Variants in PRKG1 observed in about 807,000 individuals in gnomAD.
PRKG1 encodes the protein protein kinase cGMP-dependent 1.
In PRKG1, 35 loss-of-function variants were observed where a neutral mutation model predicts 88.1. That is an observed-to-expected ratio of 0.40 (90% CI 0.30 to 0.53). The LOEUF is 0.53. PRKG1 is among the 20% of genes least tolerant of loss of function. PRKG1 has a pLI of 0.59. For synonymous variants in PRKG1, 303 were observed against 292.5 expected (o/e 1.04, Z -0.37); for missense variants, 540 against 839.8 (o/e 0.64, Z 4.41).
chr10:51,098,301 T>G (rs1393205604), intron 1 of PRKG1, among the ~76,000 whole-genome samples: 1 of 152,216 alleles, frequency 6.6e-6, no homozygotes, highest in Non-Finnish European at 1.5e-5. Context: ...ATAGTACTGC[T>G]ATCAAAGCAT....
At chr10:52,095,383 G>A (rs1847149334) in intron 7 of PRKG1, among the ~76,000 whole-genome samples, 1 of 151,804 alleles carries the variant, frequency 6.6e-6, no homozygotes, top group Non-Finnish European at 1.5e-5. Flanking sequence ...ATTTTATCCT[G>A]GTCTCTATAT....
chr10:51,062,811 G>C (rs1052337571), intron 1 of PRKG1: 1 of 151,874 alleles, frequency 6.6e-6, no homozygotes, highest in Non-Finnish European at 1.5e-5. Flanking sequence ...TAGTAGAGAC[G>C]GGGTTTCTCC....
intron 3 of PRKG1, among the ~76,000 whole-genome samples, chr10:51,604,547 A>T (rs17615550): frequency 0.047 from 7,176 of 152,322 alleles, 222 homozygotes; most frequent in Middle Eastern, 0.14. Context: ...AAAATCTAAA[A>T]AGGAAAGTGG....
chr10:51,981,127 G>GTCTT (rs1261272191), intron 5 of PRKG1, among the ~76,000 whole-genome samples: 1 of 152,060 alleles, frequency 6.6e-6, no homozygotes, highest in Non-Finnish European at 1.5e-5. Flanking sequence ...GCCAGTAATG[G>GTCTT]TCTTTTCTCT....
intron 3 of PRKG1, among the ~76,000 whole-genome samples, chr10:51,665,748 T>C (rs942760026): frequency 6.6e-6 from 1 of 152,096 alleles, no homozygotes; most frequent in African/African-American, 2.4e-5. Context: ...TTTTTTAAAA[T>C]GTATGCTGCT....
At chr10:51,972,517 C>T (rs1005610954) in intron 5 of PRKG1, among the ~76,000 whole-genome samples, 3 of 152,136 alleles carry the variant, frequency 2.0e-5, no homozygotes, top group Admixed American at 1.3e-4. Context: ...ACTTATAACA[C>T]GTGGTAAATG....
At chr10:52,147,755 G>A (rs977005366) in intron 8 of PRKG1, among the ~76,000 whole-genome samples, 10 of 152,134 alleles carry the variant, frequency 6.6e-5, no homozygotes, top group African/African-American at 2.4e-4. Flanking sequence ...AAGGTAGACC[G>A]GATGGGCTTG....
At chr10:51,731,936 G>A (rs1379163512) in intron 3 of PRKG1, among the ~76,000 whole-genome samples, 2 of 152,046 alleles carry the variant, frequency 1.3e-5, no homozygotes, top group African/African-American at 4.8e-5. Context: ...TCCTTACATG[G>A]TCTTTCCTCT....
At chr10:51,471,731 G>A (rs571877650) in intron 3 of PRKG1, among the ~76,000 whole-genome samples, 1 of 151,856 alleles carries the variant, frequency 6.6e-6, no homozygotes, top group Non-Finnish European at 1.5e-5. Context: ...CTCTTACTTT[G>A]AGTTTCAGCT....
At chr10:51,009,036 A>G (rs573432940) in intron 1 of PRKG1, among the ~76,000 whole-genome samples, 1 of 152,290 alleles carries the variant, frequency 6.6e-6, no homozygotes, top group Admixed American at 6.5e-5. Context: ...TTTTCATGGT[A>G]TGAGTTTTAT....
intron 5 of PRKG1, among the ~76,000 whole-genome samples, chr10:52,035,728 G>A (rs940165748): frequency 2.6e-5 from 4 of 152,110 alleles, no homozygotes; most frequent in African/African-American, 9.7e-5. Flanking sequence ...GGAGCAGAAA[G>A]TATGTGCGTC....
intron 2 of PRKG1, among the ~76,000 whole-genome samples, chr10:51,164,797 A>C (rs1486115612): frequency 3.3e-5 from 5 of 152,162 alleles, no homozygotes; most frequent in Non-Finnish European, 2.9e-5. Flanking sequence ...AAAGGGTATC[A>C]GTGATGGAAG....
intron 2 of PRKG1, among the ~76,000 whole-genome samples, chr10:51,296,918 T>G (rs180973566): frequency 6.6e-6 from 1 of 152,278 alleles, no homozygotes; most frequent in South Asian, 2.1e-4. Flanking sequence ...ATTCTTTCCC[T>G]CTTTATTTAA....
chr10:51,970,969 G>A (rs1054980157), intron 5 of PRKG1, among the ~76,000 whole-genome samples: 2 of 151,432 alleles, frequency 1.3e-5, no homozygotes, highest in East Asian at 3.9e-4. Context: ...TTGACTACTA[G>A]AATGGCTAGA....
At chr10:52,153,411 T>A (rs995250323) in intron 8 of PRKG1, among the ~76,000 whole-genome samples, 1 of 152,224 alleles carries the variant, frequency 6.6e-6, no homozygotes, top group Non-Finnish European at 1.5e-5. Flanking sequence ...TATACTTGTC[T>A]ACCATCATAA....
intron 3 of PRKG1, among the ~76,000 whole-genome samples, chr10:51,704,242 C>CAGATAGATAGATAGATAGAT (rs570192025): frequency 9.3e-5 from 14 of 150,902 alleles, no homozygotes; most frequent in African/African-American, 2.7e-4. Flanking sequence ...GATAGACAGA[C>CAGATAGATAGATAGATAGAT]AGACAGACAG....
At chr10:51,085,225 C>A (rs1326451543) in intron 1 of PRKG1, among the ~76,000 whole-genome samples, 2 of 152,120 alleles carry the variant, frequency 1.3e-5, no homozygotes, top group East Asian at 1.9e-4. Context: ...CTTCCTAATA[C>A]CTACGTTACC....
chr10:51,865,111 T>C (rs1375539490), intron 4 of PRKG1, among the ~76,000 whole-genome samples: 1 of 152,128 alleles, frequency 6.6e-6, no homozygotes, highest in Non-Finnish European at 1.5e-5. Flanking sequence ...ACTCTTAGTG[T>C]TGCTGAATAT....
At chr10:52,156,477 G>A (rs933153681) in intron 8 of PRKG1, among the ~76,000 whole-genome samples, 3 of 151,806 alleles carry the variant, frequency 2.0e-5, no homozygotes, top group African/African-American at 4.8e-5. Context: ...TATTGTATAT[G>A]TACATATGTG....
Sources: allele counts gnomAD v4.1 joint callset (sites outside exome capture counted in the v4.1 genomes callset), GRCh38; gene constraint gnomAD v4.1.1; transcripts MANE v1.5; gene names NCBI Gene and HGNC (gene_info 2026-07-23, HGNC 2026-07-21).